The following HHAT variants were observed in gnomAD, a reference collection of about 807,000 sequenced individuals.
The protein encoded by HHAT is protein-cysteine N-palmitoyltransferase HHAT.
A neutral mutation model predicts 70.8 loss-of-function variants in HHAT; 47 were observed. That is an observed-to-expected ratio of 0.66 (90% confidence interval 0.53 to 0.85). The LOEUF is 0.85. HHAT is among the 40% of genes least tolerant of loss of function. The pLI is 0.00. For missense variants in HHAT, 609 were observed against 604.8 expected (o/e 1.01, Z -0.07); for synonymous variants, 228 against 247.6 (o/e 0.92, Z 0.74).
chr1:210,473,693 A>G (rs1182818709), intron 8 of HHAT, among the ~76,000 whole-genome samples: 4 of 152,130 alleles, frequency 2.6e-5, no homozygotes, highest in East Asian at 1.9e-4. Context: ...TTCTCCTGCC[A>G]TTGTCTCCTC....
chr1:210,498,345 C>T (rs968483099), intron 8 of HHAT, among the ~76,000 whole-genome samples: 1 of 152,124 alleles, frequency 6.6e-6, no homozygotes, highest in Non-Finnish European at 1.5e-5. Flanking sequence ...CAGTATGATT[C>T]TTATTTCTTG....
chr1:210,363,686 C>T (rs113808925), intron 3 of HHAT, among the ~76,000 whole-genome samples: 54 of 152,178 alleles, frequency 3.5e-4, no homozygotes, highest in African/African-American at 1.1e-3. Flanking sequence ...GTGGGGGCTT[C>T]GGGTCAAGGC....
intron 4 of HHAT, among the ~76,000 whole-genome samples, chr1:210,397,704 A>G (rs1345894260): frequency 6.6e-6 from 1 of 152,214 alleles, no homozygotes; most frequent in Non-Finnish European, 1.5e-5. Flanking sequence ...GGACAGGGCT[A>G]TCTTTAGGCC....
rs561884399 is a variant in HHAT at position 210,581,765 on chromosome 1, C to T, written c.1044-6133C>T. ...AGTCTCCCAGTACCTGGTACAGGAC[C>T]TTATAATCAATCATCCTTTCATTTC... On this transcript the variant is annotated intron_variant, in intron 9 of 11. Coordinates refer to ENST00000261458, the MANE Select transcript of HHAT (RefSeq NM_018194.6). Among the ~76,000 whole-genome samples, 9 of 152,286 alleles carry T rather than the reference C, an allele frequency of 5.9e-5. No individual in the cohort carries two copies. In the South Asian group the frequency reaches 1.9e-3, roughly 32 times the overall value.
Position 210,464,367 on chromosome 1 carries a change from T to C in HHAT, c.857-138T>C. 5 of 799,112 alleles carry C rather than the reference T, an allele frequency of 6.3e-6. No individual in the cohort carries two copies. The South Asian group carries it at 8.3e-5, about 13-fold the overall frequency. 49.5% of individuals were successfully genotyped at this position (799,112 alleles called of 1,614,324 possible). A position where few individuals can be genotyped will look rare whatever the true frequency, so the allele number is the denominator to read the frequency against. ...GAATAAAACCAGTGTGGAATACTTT[T>C]GTGAAATGTGCGAGTTGAAGGGAGG... On this transcript the variant is annotated intron_variant, in intron 7 of 11. Coordinates refer to ENST00000261458, the MANE Select transcript of HHAT (RefSeq NM_018194.6).
At chr1:210,341,856 A>G (rs1001136708) in intron 1 of HHAT, among the ~76,000 whole-genome samples, 28 of 152,200 alleles carry the variant, frequency 1.8e-4, no homozygotes, top group Non-Finnish European at 3.2e-4. Context: ...TTGGAGGTGG[A>G]GAAAGCTCCC....
At chr1:210,638,445 C>T (rs1300293521) in intron 11 of HHAT, among the ~76,000 whole-genome samples, 1 of 152,150 alleles carries the variant, frequency 6.6e-6, no homozygotes, top group African/African-American at 2.4e-5. Flanking sequence ...GTTGTTGATT[C>T]TATTTATAAA....
At chr1:210,413,445 T>G (rs902594966) in intron 6 of HHAT, among the ~76,000 whole-genome samples, 11 of 152,342 alleles carry the variant, frequency 7.2e-5, no homozygotes, top group Admixed American at 5.9e-4. Flanking sequence ...GCTGAGAGTT[T>G]TCCAAATCTT....
chr1:210,622,294 G>A, intron 10 of HHAT, among the ~76,000 whole-genome samples: 1 of 152,136 alleles, frequency 6.6e-6, no homozygotes, highest in Non-Finnish European at 1.5e-5. Context: ...CAGACCCTTT[G>A]CTCCCTCTTT....
chr1:210,347,731 G>A (rs2086646444), intron 1 of HHAT, among the ~76,000 whole-genome samples: 1 of 152,180 alleles, frequency 6.6e-6, no homozygotes, highest in African/African-American at 2.4e-5. Context: ...GATCTAAGTA[G>A]TCTGGGGCAC....
chr1:210,527,930 A>T (rs12725559), intron 9 of HHAT, among the ~76,000 whole-genome samples: 1 of 152,238 alleles, frequency 6.6e-6, no homozygotes, highest in East Asian at 1.9e-4. Flanking sequence ...AAATAAATAA[A>T]CAAATGGGTG....
At chr1:210,597,905 A>C (rs1239708991) in intron 10 of HHAT, among the ~76,000 whole-genome samples, 1 of 151,016 alleles carries the variant, frequency 6.6e-6, no homozygotes, top group East Asian at 2.0e-4. Flanking sequence ...GGAGTTCCCC[A>C]TAGCTACCAC....
upstream of HHAT, chr1:210,328,413 A>C (rs2084701712): frequency 1.3e-5 from 2 of 152,202 alleles, no homozygotes; most frequent in Non-Finnish European, 2.9e-5. Flanking sequence ...CATAAAGTTT[A>C]TTCTATTTGA....
chr1:210,454,184 G>A, intron 7 of HHAT, among the ~76,000 whole-genome samples: 1 of 152,218 alleles, frequency 6.6e-6, no homozygotes, highest in South Asian at 2.1e-4. Flanking sequence ...GATTTGGGTG[G>A]GGACACAGCC....
At chr1:210,357,165 G>A (rs1349635706) in intron 2 of HHAT, among the ~76,000 whole-genome samples, 1 of 152,214 alleles carries the variant, frequency 6.6e-6, no homozygotes, top group East Asian at 1.9e-4. Flanking sequence ...CCCAAGTCTT[G>A]TAGCCTATCC....
intron 7 of HHAT, among the ~76,000 whole-genome samples, chr1:210,433,595 C>T (rs773010460): frequency 1.3e-5 from 2 of 151,670 alleles, no homozygotes; most frequent in Non-Finnish European, 2.9e-5. Context: ...GGCTGCTTGT[C>T]TGTCAGGGCT....
chr1:210,441,932 G>A (rs976695372), intron 7 of HHAT, among the ~76,000 whole-genome samples: 1 of 151,456 alleles, frequency 6.6e-6, no homozygotes, highest in African/African-American at 2.4e-5. Context: ...CATGTGCCAT[G>A]CTGGTGTGCT....
chr1:210,375,818 T>C (rs1438039955), intron 3 of HHAT, among the ~76,000 whole-genome samples: 1 of 151,666 alleles, frequency 6.6e-6, no homozygotes, highest in African/African-American at 2.4e-5. Context: ...CTCTCTCTTG[T>C]TCAGATTGGG....
At chr1:210,639,815 G>T (rs1672643211) in intron 11 of HHAT, among the ~76,000 whole-genome samples, 1 of 152,106 alleles carries the variant, frequency 6.6e-6, no homozygotes, top group African/African-American at 2.4e-5. Flanking sequence ...CCAACCTCCA[G>T]TACAGTTGTT....
Sources: gnomAD v4.1 joint callset for allele counts (sites outside exome capture counted in the v4.1 genomes callset) on GRCh38, gnomAD v4.1.1 for gene constraint, MANE v1.5 for transcripts, NCBI Gene and HGNC (gene_info 2026-07-23, HGNC 2026-07-21) for gene names.